The following ZBTB20 variants were observed in gnomAD, a reference collection of about 807,000 sequenced individuals.
The protein encoded by ZBTB20 is zinc finger and BTB domain containing 20, also known as zinc finger and BTB domain-containing protein 20.
ZBTB20 carries 9 observed loss-of-function variants against 56.9 expected under a neutral mutation model. That is an observed-to-expected ratio of 0.16 (90% CI 0.10 to 0.28). ZBTB20 has a LOEUF of 0.28. Ranked by LOEUF, ZBTB20 falls within the 10% of genes least tolerant of loss-of-function variation. ZBTB20 has a pLI of 1.00. For synonymous variants in ZBTB20, 417 were observed against 420.7 expected (o/e 0.99, Z 0.11); for missense variants, 655 against 1,003.0 (o/e 0.65, Z 4.69).
chr3:114,428,674 T>G (rs1037171856), intron 7 of ZBTB20, among the ~76,000 whole-genome samples: 3 of 152,206 alleles, frequency 2.0e-5, no homozygotes, highest in African/African-American at 7.2e-5. Flanking sequence ...CAGCCCCTAG[T>G]AGAATACAAA....
At chr3:114,377,006 T>C (rs926422028) in intron 10 of ZBTB20, among the ~76,000 whole-genome samples, 3 of 152,234 alleles carry the variant, frequency 2.0e-5, no homozygotes, top group Admixed American at 6.5e-5. Context: ...TACAGCTTGA[T>C]AGCTGTCAAG....
chr3:114,840,346 A>G (rs1462782442), intron 4 of ZBTB20, among the ~76,000 whole-genome samples: 1 of 152,226 alleles, frequency 6.6e-6, no homozygotes, highest in Admixed American at 6.5e-5. Flanking sequence ...ACATTTTAGC[A>G]AGGTATTAAT....
intron 1 of ZBTB20, among the ~76,000 whole-genome samples, chr3:115,098,286 C>A (rs921120188): frequency 2.3e-4 from 35 of 152,098 alleles, no homozygotes; most frequent in African/African-American, 8.4e-4. Context: ...TGAAAGATTT[C>A]TATTGATAAA....
intron 5 of ZBTB20, among the ~76,000 whole-genome samples, chr3:114,715,989 G>C (rs1048754734): frequency 6.6e-6 from 1 of 152,158 alleles, no homozygotes; most frequent in African/African-American, 2.4e-5. Context: ...TCTGAGGCCC[G>C]TGGCCTCTTA....
chr3:114,908,554 T>C (rs2075404362), intron 3 of ZBTB20, among the ~76,000 whole-genome samples: 1 of 151,544 alleles, frequency 6.6e-6, no homozygotes, highest in Non-Finnish European at 1.5e-5. Flanking sequence ...CATGTGGGAG[T>C]CTCACAGAAA....
intron 1 of ZBTB20, among the ~76,000 whole-genome samples, chr3:115,093,216 TTC>T (rs1233774174): frequency 6.6e-6 from 1 of 152,124 alleles, no homozygotes; most frequent in Non-Finnish European, 1.5e-5. Flanking sequence ...ACCATAAAGT[TTC>T]TTTCAACATA....
chr3:114,452,078 G>GA lies in ZBTB20; in HGVS notation c.-255+48273dup, dbSNP rs763267388. Among the ~76,000 whole-genome samples, 312 of 145,738 alleles carry GA rather than the reference G, an allele frequency of 2.1e-3. 1 individual carries two copies. The highest frequency in any genetic ancestry group is 4.1e-3 in the Non-Finnish European group (269 of 66,330). On this transcript the variant is annotated intron_variant, in intron 7 of 11. Transcript: ENST00000675478. ...ACAGACCAAAAAGAAAAAGAAAAAA[G>GA]AAAAAAAAGGGGGGGTACCAAATGA...
At chr3:115,105,599 C>T (rs1345063816) in intron 1 of ZBTB20, among the ~76,000 whole-genome samples, 5 of 152,052 alleles carry the variant, frequency 3.3e-5, no homozygotes, top group Non-Finnish European at 7.4e-5. Context: ...GCTCTCAATA[C>T]GTTCAATTTA....
chr3:114,990,465 G>C (rs995993478), intron 2 of ZBTB20, among the ~76,000 whole-genome samples: 50 of 152,156 alleles, frequency 3.3e-4, no homozygotes, highest in Admixed American at 2.8e-3. Flanking sequence ...ACTTGATCAT[G>C]GTGGATAAGC....
chr3:114,753,945 G>C (rs1472465158), intron 5 of ZBTB20, among the ~76,000 whole-genome samples: 4 of 152,130 alleles, frequency 2.6e-5, no homozygotes, highest in Non-Finnish European at 5.9e-5. Flanking sequence ...GAAACAAAGG[G>C]GAAAGGTGTT....
intron 2 of ZBTB20, among the ~76,000 whole-genome samples, chr3:115,011,250 A>T (rs1254770243): frequency 6.6e-6 from 1 of 151,954 alleles, no homozygotes; most frequent in African/African-American, 2.4e-5. Context: ...AAGGAATAAT[A>T]ACAGAGAACT....
At chr3:114,896,205 T>C (rs2074870810) in intron 4 of ZBTB20, among the ~76,000 whole-genome samples, 1 of 152,106 alleles carries the variant, frequency 6.6e-6, no homozygotes, top group Non-Finnish European at 1.5e-5. Flanking sequence ...TAAGAACACA[T>C]GAAAATGGAA....
intron 2 of ZBTB20, among the ~76,000 whole-genome samples, chr3:115,003,214 G>C (rs970489929): frequency 6.6e-6 from 1 of 151,584 alleles, no homozygotes; most frequent in Non-Finnish European, 1.5e-5. Flanking sequence ...ATGATATTAT[G>C]ATGGTGGGCA....
chr3:114,727,142 T>C (rs1182744957), intron 5 of ZBTB20, among the ~76,000 whole-genome samples: 1 of 152,094 alleles, frequency 6.6e-6, no homozygotes, highest in Non-Finnish European at 1.5e-5. Context: ...CTAATCCCTC[T>C]ATTGGGTTCA....
chr3:115,140,379 C>T (rs758289835), intron 1 of ZBTB20, among the ~76,000 whole-genome samples: 9 of 152,056 alleles, frequency 5.9e-5, no homozygotes, highest in South Asian at 2.1e-4. Flanking sequence ...ATTCCTAAGA[C>T]GACACATTTA....
chr3:114,612,277 T>C (rs2057618612), intron 6 of ZBTB20, among the ~76,000 whole-genome samples: 1 of 152,210 alleles, frequency 6.6e-6, no homozygotes, highest in African/African-American at 2.4e-5. Context: ...CCTTTCGTTA[T>C]TGCTCATGTT....
At chr3:114,373,409 A>T (rs1366033116) in intron 10 of ZBTB20, among the ~76,000 whole-genome samples, 1 of 152,230 alleles carries the variant, frequency 6.6e-6, no homozygotes. Flanking sequence ...GATTAAAATG[A>T]GGCAAAGTAT....
At chr3:114,763,510 T>C (rs533460580) in intron 5 of ZBTB20, among the ~76,000 whole-genome samples, 2 of 152,280 alleles carry the variant, frequency 1.3e-5, no homozygotes, top group East Asian at 3.9e-4. Context: ...ACATAGAATA[T>C]AGAAATCCCC....
At position 114,330,053 on chromosome 3, in the gene ZBTB20, C is replaced by T. The variant is rs1005110505; in HGVS notation, c.*8952G>A. On this transcript the variant is annotated 3_prime_UTR_variant, in exon 12 of 12. Transcript: ENST00000675478. Reference sequence around the variant, plus strand: ...AAATCACAGATACATTCATATGCACCTCTTTTGTTCTTCAGATATTGAGTG... The same window carrying T: ...AAATCACAGATACATTCATATGCACTTCTTTTGTTCTTCAGATATTGAGTG... The T allele has an allele frequency of 9.9e-5, 15 of 152,158 alleles. No individual in the cohort carries two copies. The highest frequency in any genetic ancestry group is 9.2e-4 in the Admixed American group (14 of 15,272). 9.4% of individuals were successfully genotyped at this position (152,158 alleles called of 1,614,324 possible).
Sources: allele counts gnomAD v4.1 joint callset (sites outside exome capture counted in the v4.1 genomes callset), GRCh38; gene constraint gnomAD v4.1.1; transcripts MANE v1.5; gene names NCBI Gene and HGNC (gene_info 2026-07-23, HGNC 2026-07-21).